VPS39: variants seen among roughly 807,000 people sequenced by gnomAD.
VPS39 encodes the protein vam6/Vps39-like protein.
A neutral mutation model predicts 121.0 loss-of-function variants in VPS39; 70 were observed. That is an observed-to-expected ratio of 0.58 (90% CI 0.48 to 0.71). VPS39 has a LOEUF of 0.71. Ranked by LOEUF, VPS39 falls within the 30% of genes least tolerant of loss-of-function variation. VPS39 has a pLI of 0.00. For synonymous variants in VPS39, 378 were observed against 398.1 expected, an observed-to-expected ratio of 0.95 and a Z score of 0.60; for missense variants, 818 against 1,051.5, an observed-to-expected ratio of 0.78 and a Z score of 3.07.
intron 21 of VPS39, chr15:42,162,725 T>C: frequency 2.5e-6 from 1 of 396,012 alleles, no homozygotes; most frequent in South Asian, 7.4e-5. Flanking sequence ...CATTATGCCA[T>C]TTACAAAATG....
chr15:42,191,080 C>G (rs768839887), intron 4 of VPS39, 45 bp downstream of exon 4: 1 of 1,603,962 alleles, frequency 6.2e-7, no homozygotes, highest in Admixed American at 1.7e-5. Flanking sequence ...TAGGTCATAT[C>G]TTTTCTTGTT....
intron 13 of VPS39, 78 bp downstream of exon 13, chr15:42,167,316 G>A (rs961159250): frequency 6.5e-7 from 1 of 1,542,492 alleles, no homozygotes; most frequent in Non-Finnish European, 8.8e-7. Flanking sequence ...GGTCCCTCAG[G>A]GTCTAGCACT....
chr15:42,167,328 C>G, intron 13 of VPS39, 66 bp downstream of exon 13: 1 of 1,589,420 alleles, frequency 6.3e-7, no homozygotes, highest in Non-Finnish European at 8.6e-7. Flanking sequence ...TCTAGCACTC[C>G]CTTTTACTTT....
chr15:42,171,397 C>T (rs986831124), intron 11 of VPS39, among the ~76,000 whole-genome samples: 5 of 152,170 alleles, frequency 3.3e-5, no homozygotes, highest in African/African-American at 1.2e-4. Flanking sequence ...CATAGAGGCA[C>T]CTGCCTGGAT....
At chr15:42,203,178 A>G (rs1385076957) in intron 1 of VPS39, among the ~76,000 whole-genome samples, 1 of 152,138 alleles carries the variant, frequency 6.6e-6, no homozygotes, top group African/African-American at 2.4e-5. Flanking sequence ...TAAAAAATAT[A>G]AAAATTAGGC....
intron 1 of VPS39, among the ~76,000 whole-genome samples, chr15:42,205,427 T>C (rs1028976901): frequency 6.6e-6 from 1 of 152,154 alleles, no homozygotes; most frequent in African/African-American, 2.4e-5. Flanking sequence ...GAACCATATA[T>C]ACAAAGGCAA....
At chr15:42,165,471 A>G in intron 17 of VPS39, 1 of 479,260 alleles carries the variant, frequency 2.1e-6, no homozygotes, top group Non-Finnish European at 3.7e-6. Context: ...TTTTTTCCAA[A>G]TGTGGCTTTG....
chr15:42,184,499 A>T lies in VPS39; in HGVS notation c.718+18T>A, dbSNP rs367610443. 7 of 1,575,944 alleles carry T rather than the reference A, an allele frequency of 4.4e-6. No homozygotes were observed. The African/African-American group carries it at 8.1e-5, about 18-fold the overall frequency. On this transcript the variant is annotated intron_variant, in intron 8 of 24. Coordinates refer to ENST00000318006, the MANE Select transcript of VPS39 (RefSeq NM_015289.5). ...ACCTCAACCCAAAGTGGGAAACAGC[A>T]GCTACTGTTGGTCTCACCCATGGCC...
At chr15:42,189,275 CA>C in intron 4 of VPS39, 67 bp from the exon 5 acceptor site, 4 of 1,273,808 alleles carry the variant, frequency 3.1e-6, no homozygotes, top group Non-Finnish European at 3.4e-6. Flanking sequence ...ACTATCGAGG[CA>C]AAAAAAGTAA....
At chr15:42,190,823 G>T (rs2049812582) in intron 4 of VPS39, among the ~76,000 whole-genome samples, 1 of 152,198 alleles carries the variant, frequency 6.6e-6, no homozygotes, top group African/African-American at 2.4e-5. Flanking sequence ...AAGTCTCAAA[G>T]ATAGCAACTA....
At chr15:42,206,991 A>T (rs2050187526) in intron 1 of VPS39, among the ~76,000 whole-genome samples, 1 of 152,208 alleles carries the variant, frequency 6.6e-6, no homozygotes, top group African/African-American at 2.4e-5. Context: ...AACCCAAAGG[A>T]CTAGAACTGC....
Position 42,199,981 on chromosome 15 carries a change from C to CAAAACAA in VPS39, c.74-21_74-20insTTGTTTT, listed in dbSNP as rs1555402258. The CAAAACAA allele has an allele frequency of 2.4e-5, 36 of 1,475,926 alleles. No individual in the cohort carries two copies. The African/African-American group carries it at 5.2e-4, about 21-fold the overall frequency. 91.4% of individuals were successfully genotyped at this position (1,475,926 alleles called of 1,614,324 possible). ...ATTCCTCTGGAAAAACAAAACAAAA[C>CAAAACAA]AAAAACAAAAACAAAAAAAAACCAG... is the stretch of plus-strand genomic sequence containing the variant. On this transcript the variant is annotated intron_variant, in intron 1 of 24. Coordinates refer to ENST00000318006, the MANE Select transcript of VPS39 (RefSeq NM_015289.5).
In VPS39 at chr15:42,167,514, C is replaced by T. The variant is rs986308733; in HGVS notation, c.1257G>A (p.Lys419=). 2.5e-6 allele frequency: 4 copies of T among 1,614,014 alleles called. No individual in the cohort carries two copies. The African/African-American group carries it at 4.0e-5, about 16-fold the overall frequency. ...LTQKRSQLVK[K]LNDSDHQSST... is the part of the protein sequence containing the mutation. Reference sequence around the variant, plus strand: ...TTGACTGGTGATCAGAGTCATTCAGCTTCTTTACCAATTGACTTCGTTTCT... The same window carrying T: ...TTGACTGGTGATCAGAGTCATTCAGTTTCTTTACCAATTGACTTCGTTTCT... Residue 419 remains lysine, a synonymous_variant, in exon 13 of 25, where the codon AAG becomes AAA. Coordinates refer to ENST00000318006, the MANE Select transcript of VPS39 (RefSeq NM_015289.5).
chr15:42,195,396 G>A (rs547427719), intron 2 of VPS39, among the ~76,000 whole-genome samples: 6 of 152,198 alleles, frequency 3.9e-5, no homozygotes, highest in South Asian at 2.1e-4. Context: ...GCAATCTGGC[G>A]AAACCCCATC....
intron 12 of VPS39, among the ~76,000 whole-genome samples, chr15:42,168,490 C>T (rs1490308499): frequency 6.6e-6 from 1 of 152,062 alleles, no homozygotes; most frequent in Non-Finnish European, 1.5e-5. Flanking sequence ...GACTCACTGA[C>T]CCAGAGGCAG....
chr15:42,193,733 CAG>C (rs1409549279), intron 2 of VPS39, among the ~76,000 whole-genome samples: 2 of 152,052 alleles, frequency 1.3e-5, no homozygotes, highest in Admixed American at 6.6e-5. Context: ...CTGTCACACT[CAG>C]GGGAGTGAAC....
intron 19 of VPS39, 95 bp downstream of exon 19, chr15:42,164,262 CA>C: frequency 1.3e-6 from 2 of 1,543,610 alleles, no homozygotes; most frequent in African/African-American, 1.4e-5. Context: ...TTTCCAGGCC[CA>C]ACTTTTGTGG....
intron 1 of VPS39, among the ~76,000 whole-genome samples, chr15:42,206,035 G>A (rs565510646): frequency 1.7e-4 from 26 of 152,336 alleles, no homozygotes; most frequent in Admixed American, 1.6e-3. Flanking sequence ...GAGGAATCAA[G>A]AACGGTTTTG....
intron 3 of VPS39, 80 bp from the exon 4 acceptor site, chr15:42,191,247 A>G: frequency 1.3e-6 from 2 of 1,530,322 alleles, no homozygotes; most frequent in African/African-American, 1.4e-5. Flanking sequence ...ACAGTAATAA[A>G]AAGGGACCAC....
Sources: allele counts gnomAD v4.1 joint callset (sites outside exome capture counted in the v4.1 genomes callset), GRCh38; gene constraint gnomAD v4.1.1; transcripts MANE v1.5; gene names NCBI Gene and HGNC (gene_info 2026-07-23, HGNC 2026-07-21).